ERAP1: variants seen among roughly 807,000 people sequenced by gnomAD.
ERAP1 encodes adipocyte-derived leucine aminopeptidase.
ERAP1 carries 86 observed loss-of-function variants against 103.7 expected under a neutral mutation model. The observed-to-expected ratio is 0.83, with a 90% CI of 0.70 to 0.99. The LOEUF (loss-of-function observed/expected upper bound fraction) is 0.99, where lower values mean the gene tolerates loss of function less well. Among genes scored for constraint, ERAP1 ranks in the 50% least tolerant of loss-of-function variants. The probability of loss-of-function intolerance (pLI) is 0.00; values close to 1 mark genes in which losing one functional copy is unlikely to be tolerated. For missense variants in ERAP1, 1,009 were observed against 1,128.4 expected, an observed-to-expected ratio of 0.89 and a Z score of 1.52; for synonymous variants, 398 against 402.4, an observed-to-expected ratio of 0.99 and a Z score of 0.13.
the ERAP1 span, chr5:96,902,444 A>T: frequency 1.4e-6 from 1 of 732,124 alleles, no homozygotes; most frequent in East Asian, 2.7e-5. Context: ...AGTAAATCTA[A>T]CAATAAAAGA....
the ERAP1 span, chr5:96,915,637 C>T: frequency 1.8e-6 from 2 of 1,093,854 alleles, no homozygotes; most frequent in Non-Finnish European, 2.6e-6. Flanking sequence ...ATATAATAAA[C>T]ATAAGGTCAG....
the ERAP1 span, among the ~76,000 whole-genome samples, chr5:96,890,619 C>G: frequency 6.6e-6 from 1 of 152,196 alleles, no homozygotes; most frequent in Non-Finnish European, 1.5e-5. Flanking sequence ...GGATATACTT[C>G]TTATCCTGTC....
the ERAP1 span, among the ~76,000 whole-genome samples, chr5:96,819,216 A>T: frequency 6.6e-6 from 1 of 151,916 alleles, no homozygotes; most frequent in East Asian, 1.9e-4. Flanking sequence ...GAGCCACCAC[A>T]CCCGGCTTGA....
Position 96,792,062 on chromosome 5 carries a change from T to G in ERAP1, c.1319A>C (p.Lys440Thr), listed in dbSNP as rs1776787393. ...TCCTTATACTCAATCTACTTTTACC[T>G]TATCATAAGAAACATCATCAAACAT... ...REMFDDVSYDKGACILNMLRE... is the reference protein window; with the variant it reads ...REMFDDVSYDTGACILNMLRE... The change falls in exon 8 of 19, where the codon AAG (lysine) becomes ACG (threonine). Residue 440 changes from lysine to threonine, a missense_variant and splice_region_variant. Lys to Thr is a moderately conservative substitution (Grantham distance 78, BLOSUM62 -1). Around this residue, in one of 3 missense-constraint regions of ERAP1, gnomAD observed 611 missense variants for 651.7 expected, o/e 0.94. Transcript: ENST00000443439. 6.2e-7 allele frequency: 1 copy of G among 1,613,838 alleles called. No individual in the cohort carries two copies. Among genetic ancestry groups the G allele is most frequent in the Non-Finnish European group, 8.5e-7 (1 of 1,179,856 alleles).
Position 96,803,735 on chromosome 5 carries a change from A to T in ERAP1, c.192T>A (p.Asp64Glu). 1 of 1,614,194 alleles carries T rather than the reference A, an allele frequency of 6.2e-7. No individual in the cohort carries two copies. Among genetic ancestry groups the T allele is most frequent in the Non-Finnish European group, 8.5e-7 (1 of 1,180,030 alleles). ...TGGTAAGGTTTGCATGGATCAAGAG[A>T]TCATAATGAACTGGGATGACGTACT... is the stretch of plus-strand genomic sequence containing the variant. ...LPEYVIPVHY[D>E]LLIHANLTTL... The change falls in exon 2 of 19, where the codon GAT becomes GAA. Residue 64 changes from aspartate (D) to glutamate (E), a missense_variant. Around this residue, in one of 3 missense-constraint regions of ERAP1, gnomAD observed 392 missense variants for 455.2 expected, o/e 0.86. Coordinates refer to ENST00000443439, the MANE Select transcript of ERAP1 (RefSeq NM_001040458.3).
At chr5:96,840,047 G>A in the ERAP1 span, among the ~76,000 whole-genome samples, 1 of 152,138 alleles carries the variant, frequency 6.6e-6, no homozygotes. Flanking sequence ...GGTATTATCT[G>A]AGCCTTATAC....
chr5:96,860,561 C>T, the ERAP1 span, among the ~76,000 whole-genome samples: 1 of 152,076 alleles, frequency 6.6e-6, no homozygotes, highest in Non-Finnish European at 1.5e-5. Context: ...GTATTAGATA[C>T]TAAAATATAG....
the ERAP1 span, among the ~76,000 whole-genome samples, chr5:96,856,365 T>TAGAG: frequency 1.0e-3 from 21 of 20,366 alleles, 1 homozygote; most frequent in African/African-American, 2.3e-3. Flanking sequence ...TATATATATA[T>TAGAG]AGAGAGAGAG....
At chr5:96,812,250 TAGTC>T (rs547862594), upstream of ERAP1, among the ~76,000 whole-genome samples, 38 of 152,370 alleles carry the variant, frequency 2.5e-4, 1 homozygote, top group South Asian at 3.5e-3. Context: ...CAAAGTGTCA[TAGTC>T]AGTAAAGCTC....
chr5:96,790,688 G>A (rs1561270324), intron 8 of ERAP1, 45 bp from the exon 9 acceptor site: 2 of 1,542,520 alleles, frequency 1.3e-6, no homozygotes, highest in South Asian at 2.3e-5. Context: ...TTTCATTGCA[G>A]TCTCATCTGA....
intron 14 of ERAP1, 98 bp downstream of exon 14, chr5:96,783,818 TACACACAC>T (rs3076640): frequency 3.0e-4 from 242 of 803,514 alleles, no homozygotes; most frequent in African/African-American, 2.7e-3. Context: ...TATATAAAGA[TACACACAC>T]ACACACACAC....
chr5:96,800,025 A>G (rs1375312575), intron 3 of ERAP1, among the ~76,000 whole-genome samples: 1 of 152,216 alleles, frequency 6.6e-6, no homozygotes, highest in Non-Finnish European at 1.5e-5. Context: ...TTCCCCGGTC[A>G]GCACAGGGAC....
chr5:96,882,407 T>C, the ERAP1 span, among the ~76,000 whole-genome samples: 5 of 152,188 alleles, frequency 3.3e-5, no homozygotes, highest in African/African-American at 1.2e-4. Context: ...TTATGGTTAA[T>C]TAGTCAGTTC....
the ERAP1 span, chr5:96,915,664 T>A: frequency 6.9e-7 from 1 of 1,448,596 alleles, no homozygotes; most frequent in Non-Finnish European, 9.3e-7. Flanking sequence ...TATGACTTTC[T>A]ATGGTGTTTC....
chr5:96,916,756 C>G, the ERAP1 span, among the ~76,000 whole-genome samples: 1 of 135,636 alleles, frequency 7.4e-6, no homozygotes, highest in African/African-American at 2.7e-5. Flanking sequence ...GCGTGAGCCA[C>G]CAGCCTATCT....
At chr5:96,933,173 G>A in the ERAP1 span, among the ~76,000 whole-genome samples, 4 of 139,286 alleles carry the variant, frequency 2.9e-5, no homozygotes, top group African/African-American at 5.4e-5. Flanking sequence ...GAAACATTTC[G>A]TTTGTTTACT....
intron 4 of ERAP1, 136 bp downstream of exon 4, chr5:96,797,039 T>G: frequency 1.0e-6 from 1 of 989,508 alleles, no homozygotes; most frequent in Non-Finnish European, 1.6e-6. Context: ...TTCTTCCACC[T>G]CAGCCTCCCA....
chr5:96,892,339 A>C, the ERAP1 span: 4 of 1,613,982 alleles, frequency 2.5e-6, no homozygotes, highest in Non-Finnish European at 3.4e-6. Flanking sequence ...GAGCCATGGA[A>C]AATTGGGGCC....
the ERAP1 span, among the ~76,000 whole-genome samples, chr5:96,885,164 C>G: frequency 2.0e-5 from 3 of 152,160 alleles, no homozygotes; most frequent in African/African-American, 7.2e-5. Context: ...CTTCTAGTAG[C>G]CCAGACGTAT....
Sources: gnomAD v4.1 joint callset for allele counts (sites outside exome capture counted in the v4.1 genomes callset) on GRCh38, gnomAD v4.1.1 for gene constraint, gnomAD v4.1.1 regional missense constraint, MANE v1.5 for transcripts, NCBI Gene and HGNC (gene_info 2026-07-23, HGNC 2026-07-21) for gene names.